The following NRG1 variants were observed in gnomAD, a reference collection of about 807,000 sequenced individuals.
NRG1 encodes the protein pro-neuregulin-1, membrane-bound isoform.
In NRG1, 18 loss-of-function variants were observed where a neutral mutation model predicts 63.8. The ratio of observed to expected loss-of-function variants is 0.28; its 90% CI spans 0.19 to 0.42. NRG1 has a LOEUF of 0.42. Among genes scored for constraint, NRG1 ranks in the 10% least tolerant of loss-of-function variants. The pLI is 1.00. For synonymous variants in NRG1, 302 were observed against 301.3 expected (o/e 1.00, Z -0.02); for missense variants, 762 against 814.7 (o/e 0.94, Z 0.79).
intron 1 of NRG1, among the ~76,000 whole-genome samples, chr8:31,930,835 G>A (rs1250761348): frequency 6.6e-6 from 1 of 152,070 alleles, no homozygotes; most frequent in African/African-American, 2.4e-5. Context: ...TATGAATGAA[G>A]AATCATCTGT....
intron 1 of NRG1, among the ~76,000 whole-genome samples, chr8:32,330,252 T>C (rs756361106): frequency 6.6e-6 from 1 of 152,082 alleles, no homozygotes; most frequent in Non-Finnish European, 1.5e-5. Flanking sequence ...GAGCACTTGA[T>C]TAGATCAGGA....
intron 7 of NRG1, chr8:32,749,462 TA>T: frequency 8.3e-7 from 1 of 1,210,156 alleles, no homozygotes; most frequent in Non-Finnish European, 1.2e-6. Flanking sequence ...CAGAGAGCCA[TA>T]ATAGTCATGT....
intron 1 of NRG1, chr8:32,061,654 C>T (rs1476698518): frequency 2.0e-5 from 3 of 151,924 alleles, no homozygotes; most frequent in Non-Finnish European, 2.9e-5. Context: ...ATGCTGTTTC[C>T]TAATGTACAT....
At chr8:32,134,162 C>A (rs1835207964) in intron 1 of NRG1, among the ~76,000 whole-genome samples, 1 of 152,098 alleles carries the variant, frequency 6.6e-6, no homozygotes, top group African/African-American at 2.4e-5. Context: ...AGCATGAAGA[C>A]TCTACATATA....
upstream of NRG1, among the ~76,000 whole-genome samples, chr8:32,546,012 T>C (rs747962307): frequency 6.6e-6 from 1 of 152,182 alleles, no homozygotes; most frequent in South Asian, 2.1e-4. Context: ...TTCATATTCA[T>C]TCATTCCTCA....
chr8:31,697,333 G>T (rs1376812399), intron 1 of NRG1, among the ~76,000 whole-genome samples: 1 of 152,104 alleles, frequency 6.6e-6, no homozygotes, highest in Admixed American at 6.5e-5. Context: ...ATCTGTTATA[G>T]GTGTCTGTAG....
chr8:32,433,301 A>G (rs1048693311), intron 1 of NRG1, among the ~76,000 whole-genome samples: 1 of 152,156 alleles, frequency 6.6e-6, no homozygotes, highest in Non-Finnish European at 1.5e-5. Context: ...GACACCCTCC[A>G]GTTAGCAAAG....
intron 1 of NRG1, among the ~76,000 whole-genome samples, chr8:31,647,004 T>A (rs560257068): frequency 2.0e-5 from 3 of 152,306 alleles, no homozygotes; most frequent in African/African-American, 7.2e-5. Flanking sequence ...GAAAAAAAAA[T>A]TCCAGTGTTG....
chr8:31,990,796 T>C (rs1810935201), intron 1 of NRG1, among the ~76,000 whole-genome samples: 1 of 152,190 alleles, frequency 6.6e-6, no homozygotes, highest in South Asian at 2.1e-4. Context: ...CTGGTTAAAC[T>C]TTTCCAGGAT....
chr8:31,724,481 A>G (rs1024300472), intron 1 of NRG1, among the ~76,000 whole-genome samples: 6 of 152,118 alleles, frequency 3.9e-5, no homozygotes, highest in Non-Finnish European at 8.8e-5. Flanking sequence ...TGTGTTAGTT[A>G]ATATCATCAG....
intron 6 of NRG1, among the ~76,000 whole-genome samples, chr8:32,738,725 T>G (rs1825698938): frequency 6.6e-6 from 1 of 152,352 alleles, no homozygotes; most frequent in Middle Eastern, 3.4e-3. Context: ...GGTTTTCATT[T>G]GCATGTGCTT....
chr8:31,867,691 A>C (rs1223778869), intron 1 of NRG1, among the ~76,000 whole-genome samples: 4 of 152,122 alleles, frequency 2.6e-5, no homozygotes, highest in Non-Finnish European at 5.9e-5. Context: ...GATAAATTAG[A>C]AACTGAAATC....
intron 1 of NRG1, among the ~76,000 whole-genome samples, chr8:31,972,848 G>A (rs1010233084): frequency 6.6e-6 from 1 of 152,144 alleles, no homozygotes; most frequent in Admixed American, 6.5e-5. Flanking sequence ...TTCTGCCTCA[G>A]AGCTAGAGAA....
intron 1 of NRG1, among the ~76,000 whole-genome samples, chr8:32,457,975 T>TGGTGC (rs1049277669): frequency 2.0e-5 from 3 of 151,926 alleles, no homozygotes; most frequent in Non-Finnish European, 4.4e-5. Context: ...TGGAGTGCAA[T>TGGTGC]GGTGCGATCT....
intron 1 of NRG1, among the ~76,000 whole-genome samples, chr8:32,288,571 G>A (rs938551432): frequency 6.6e-6 from 1 of 152,128 alleles, no homozygotes; most frequent in East Asian, 1.9e-4. Flanking sequence ...TCTGATTCCA[G>A]GTCTCATAAT....
chr8:32,044,732 C>CAAA (rs35288996), intron 1 of NRG1, among the ~76,000 whole-genome samples: 13 of 148,542 alleles, frequency 8.8e-5, no homozygotes, highest in African/African-American at 2.9e-4. Flanking sequence ...GAAGAAGTGT[C>CAAA]AAAAAAAAAT....
intron 1 of NRG1, among the ~76,000 whole-genome samples, chr8:32,400,668 A>G (rs1405653603): frequency 1.3e-5 from 2 of 152,202 alleles, no homozygotes; most frequent in Admixed American, 6.5e-5. Flanking sequence ...GAGTAAAGGG[A>G]ACGCTCATAC....
chr8:31,918,179 T>G (rs1833578050), intron 1 of NRG1, among the ~76,000 whole-genome samples: 1 of 152,216 alleles, frequency 6.6e-6, no homozygotes, highest in African/African-American at 2.4e-5. Flanking sequence ...CTTTTCCTAA[T>G]TGAATACCCT....
upstream of NRG1, among the ~76,000 whole-genome samples, chr8:32,546,316 T>TA (rs1833059507): frequency 6.6e-6 from 1 of 151,714 alleles, no homozygotes; most frequent in South Asian, 2.1e-4. Flanking sequence ...TTCTTTTTTT[T>TA]AATTGGGGAA....
Sources: gnomAD v4.1 joint callset for allele counts (sites outside exome capture counted in the v4.1 genomes callset) on GRCh38, gnomAD v4.1.1 for gene constraint, MANE v1.5 for transcripts, NCBI Gene and HGNC (gene_info 2026-07-23, HGNC 2026-07-21) for gene names.